The following PCDHA1 variants were observed in gnomAD, a reference collection of about 807,000 sequenced individuals.
PCDHA1 encodes protocadherin alpha 1.
In PCDHA1, 42 loss-of-function variants were observed where a neutral mutation model predicts 61.3. The ratio of observed to expected loss-of-function variants is 0.69; its 90% CI spans 0.54 to 0.89. PCDHA1 has a LOEUF of 0.89. PCDHA1 is among the 40% of genes least tolerant of loss of function. The probability of loss-of-function intolerance (pLI) is 0.00; values close to 1 mark genes in which losing one functional copy is unlikely to be tolerated. For missense variants in PCDHA1, 1,256 were observed against 1,235.3 expected (o/e 1.02, Z -0.25); for synonymous variants, 610 against 553.8 (o/e 1.10, Z -1.43).
At chr5:140,801,684 G>C (rs782708273) in intron 1 of PCDHA1, 4 of 1,614,204 alleles carry the variant, frequency 2.5e-6, no homozygotes, top group Non-Finnish European at 3.4e-6. Flanking sequence ...TGCAGATATC[G>C]GAACAAATTC....
At chr5:140,807,421 T>C (rs1554124005) in intron 1 of PCDHA1, 1 of 1,592,400 alleles carries the variant, frequency 6.3e-7, no homozygotes, top group Non-Finnish European at 8.5e-7. Context: ...TGGAGGTAAA[T>C]CTGCAGAATG....
intron 1 of PCDHA1, chr5:140,795,703 T>C: frequency 6.2e-7 from 1 of 1,614,144 alleles, no homozygotes; most frequent in South Asian, 1.1e-5. Flanking sequence ...CCAATCAGTT[T>C]ACAAAGTAAA....
chr5:140,918,868 T>C (rs1584116749), intron 1 of PCDHA1, among the ~76,000 whole-genome samples: 1 of 152,216 alleles, frequency 6.6e-6, no homozygotes, highest in Admixed American at 6.5e-5. Context: ...TCATGAACTT[T>C]CAAGCCTCTA....
intron 1 of PCDHA1, chr5:140,884,487 T>C (rs374963144): frequency 6.2e-7 from 1 of 1,613,832 alleles, no homozygotes; most frequent in African/African-American, 1.3e-5. Flanking sequence ...CCCACTCTAG[T>C]GTGCTCCAGC....
intron 1 of PCDHA1, chr5:140,854,299 C>A: frequency 2.4e-6 from 1 of 414,144 alleles, no homozygotes; most frequent in Non-Finnish European, 3.2e-6. Context: ...TTATTTTGTG[C>A]GTGGAGATGA....
chr5:140,804,101 GTCTTTTA>G (rs1554123035), intron 1 of PCDHA1: 1 of 155,570 alleles, frequency 6.4e-6, no homozygotes, highest in Non-Finnish European at 1.4e-5. Flanking sequence ...TACACCTGTT[GTCTTTTA>G]TGGAACCTCT....
At position 140,822,525 on chromosome 5, in the gene PCDHA1, G is replaced by T. The variant is rs1479400729; in HGVS notation, c.2394+33841G>T. On this transcript the variant is annotated intron_variant, in intron 1 of 3. Coordinates refer to ENST00000504120, the MANE Select transcript of PCDHA1 (RefSeq NM_018900.4). ...ATAAATCCATTTATAATGTCAGATT[G>T]TTGGAAAATGCACCAAGTGGGACAT... 5.0e-6 allele frequency: 8 copies of T among 1,613,810 alleles called. No homozygotes were observed. In the East Asian group the frequency reaches 1.8e-4, roughly 36 times the overall value.
At chr5:140,912,243 AATCTCCTTTGATGAC>A (rs2075829981) in intron 1 of PCDHA1, among the ~76,000 whole-genome samples, 1 of 152,012 alleles carries the variant, frequency 6.6e-6, no homozygotes, top group Admixed American at 6.6e-5. Context: ...CTCAAATGTT[AATCTCCTTTGATGAC>A]ACCCTCACAG....
chr5:140,870,305 A>G lies in PCDHA1; in HGVS notation c.2394+81621A>G, dbSNP rs201733980. 1.4e-4 allele frequency: 226 copies of G among 1,614,156 alleles called. No homozygotes were observed. In the African/African-American group the frequency reaches 2.3e-3, roughly 17 times the overall value. On this transcript the variant is annotated intron_variant, in intron 1 of 3. Transcript: ENST00000504120. ...CCCTTCAAGCTGGTGTCCACCTTCA[A>G]GAATTACTACTCGTTGGTGCTGGAC...
chr5:140,858,392 G>T, intron 1 of PCDHA1: 1 of 1,579,080 alleles, frequency 6.3e-7, no homozygotes, highest in Non-Finnish European at 8.7e-7. Context: ...AATGGTAGAT[G>T]TGGACGGGGA....
intron 1 of PCDHA1, among the ~76,000 whole-genome samples, chr5:140,826,646 A>G (rs1769000143): frequency 6.6e-6 from 1 of 152,182 alleles, no homozygotes; most frequent in Non-Finnish European, 1.5e-5. Flanking sequence ...ATATGAAGGT[A>G]ACATTTTTGC....
chr5:140,802,882 C>T, intron 1 of PCDHA1: 1 of 1,613,756 alleles, frequency 6.2e-7, no homozygotes. Flanking sequence ...AACGACAACG[C>T]GCCGGCACTG....
At chr5:140,850,185 G>T (rs1554143929) in intron 1 of PCDHA1, 3 of 1,593,776 alleles carry the variant, frequency 1.9e-6, no homozygotes, top group Non-Finnish European at 2.6e-6. Flanking sequence ...CAATGCGCCG[G>T]CGCTGCTGAC....
chr5:140,966,313 C>G, intron 1 of PCDHA1: 1 of 386,824 alleles, frequency 2.6e-6, no homozygotes. Flanking sequence ...CGTGTTCCTG[C>G]GGTCCGCTGG....
intron 1 of PCDHA1, among the ~76,000 whole-genome samples, chr5:140,915,767 C>T (rs1554197085): frequency 6.6e-6 from 1 of 151,976 alleles, no homozygotes; most frequent in Non-Finnish European, 1.5e-5. Context: ...TGGGTCTTGT[C>T]CAAGGCCTGC....
At chr5:140,981,019 T>C (rs1396794400) in intron 2 of PCDHA1, among the ~76,000 whole-genome samples, 1 of 152,124 alleles carries the variant, frequency 6.6e-6, no homozygotes, top group Non-Finnish European at 1.5e-5. Flanking sequence ...ACTTGAAGGC[T>C]GTTAATATTT....
chr5:140,839,976 A>G (rs1776500319), intron 1 of PCDHA1, among the ~76,000 whole-genome samples: 1 of 152,102 alleles, frequency 6.6e-6, no homozygotes, highest in African/African-American at 2.4e-5. Flanking sequence ...TATGACTCCT[A>G]TTGGAAAGTG....
chr5:140,841,573 G>C, intron 1 of PCDHA1: 1 of 1,614,016 alleles, frequency 6.2e-7, no homozygotes. Flanking sequence ...ATGGCATTTT[G>C]TTTGTGAATT....
In PCDHA1 at chr5:140,849,843, G is replaced by A. The variant is rs2150453087; in HGVS notation, c.2394+61159G>A. 8 of 1,598,500 alleles carry A rather than the reference G, an allele frequency of 5.0e-6. 1 individual carries two copies. The highest frequency in any genetic ancestry group is 3.3e-5 in the South Asian group (3 of 90,550). On this transcript the variant is annotated intron_variant, in intron 1 of 3. Transcript: ENST00000504120. Reference sequence around the variant, plus strand: ...GTCTGTGGAGGTGGCCGACGTGAACGACAACGCACCAGCGTTCGCGCAGTC... The same window carrying A: ...GTCTGTGGAGGTGGCCGACGTGAACAACAACGCACCAGCGTTCGCGCAGTC...
Sources: gnomAD v4.1 joint callset for allele counts (sites outside exome capture counted in the v4.1 genomes callset) on GRCh38, gnomAD v4.1.1 for gene constraint, MANE v1.5 for transcripts, NCBI Gene and HGNC (gene_info 2026-07-23, HGNC 2026-07-21) for gene names.